LFNG: variants seen among roughly 807,000 people sequenced by gnomAD.
LFNG encodes beta-1,3-N-acetylglucosaminyltransferase lunatic fringe.
LFNG carries 15 observed loss-of-function variants against 32.7 expected under a neutral mutation model. The observed-to-expected ratio is 0.46, with a 90% CI of 0.31 to 0.71. The LOEUF is 0.71. Ranked by LOEUF, LFNG falls within the 30% of genes least tolerant of loss-of-function variation. The probability of loss-of-function intolerance (pLI) is 0.06; values close to 1 mark genes in which losing one functional copy is unlikely to be tolerated. For missense variants in LFNG, 520 were observed against 545.7 expected (o/e 0.95, Z 0.47); for synonymous variants, 274 against 246.8 (o/e 1.11, Z -1.03).
At chr7:2,513,872 C>T (rs1158264308), upstream of LFNG, among the ~76,000 whole-genome samples, 2 of 152,246 alleles carry the variant, frequency 1.3e-5, no homozygotes, top group African/African-American at 4.8e-5. Flanking sequence ...TGGCCTCAGA[C>T]AGAAGCGCCA....
chr7:2,513,164 C>T (rs1779531786), upstream of LFNG: 8 of 1,613,554 alleles, frequency 5.0e-6, no homozygotes, highest in Non-Finnish European at 6.8e-6. Context: ...CAGTGCCAAG[C>T]AGATCTGGGC....
rs534973507 is a variant in LFNG at position 2,526,578 on chromosome 7, G to A, written c.987+169G>A. On this transcript the variant is annotated intron_variant, in intron 6 of 7. Coordinates refer to ENST00000222725, the MANE Select transcript of LFNG (RefSeq NM_001040167.2). This position sits in a 1 kb window ranked among gnomAD's most constrained non-coding sequence, Gnocchi z 6.9. ...TGCCATGAGCTCAAAGCTGTTTATG[G>A]CGGGTTGTTTTCCTGCCGTCTCTTC... 1.6e-4 allele frequency among the ~76,000 whole-genome samples: 24 copies of A among 152,340 alleles called. No individual in the cohort carries two copies. In the East Asian group the frequency reaches 4.4e-3, roughly 28 times the overall value.
In LFNG at chr7:2,519,825, C is replaced by T. The variant is rs1779732077; in HGVS notation, c.-37C>T. On this transcript the variant is annotated 5_prime_UTR_variant, in exon 1 of 8. Transcript: ENST00000222725. ...GCTTCGGGTCGGTGCAAGGCAGGCG[C>T]ACGGGGAAGGGCGCGCCGCGCGGCC... The T allele has an allele frequency of 3.8e-6, 4 of 1,062,038 alleles. No individual in the cohort carries two copies. Among genetic ancestry groups the T allele is most frequent in the African/African-American group, 1.7e-5 (1 of 58,476 alleles). The allele number at this position is 1,062,038 out of a possible 1,614,324, so 65.8% of individuals were successfully genotyped here. A position where few individuals can be genotyped will look rare whatever the true frequency, so the allele number is the denominator to read the frequency against.
rs535224381 is a variant in LFNG, at chr7:2,527,461, G to A, written c.*249G>A. 2.4e-4 allele frequency: 340 copies of A among 1,414,162 alleles called. 1 individual carries two copies. The African/African-American group carries it at 4.4e-3, about 18-fold the overall frequency. 87.6% of individuals were successfully genotyped at this position (1,414,162 alleles called of 1,614,324 possible). A position where few individuals can be genotyped will look rare whatever the true frequency, so the allele number is the denominator to read the frequency against. ...GCTCCGAGGGCCAGTGGGCTGCAGG[G>A]CCTGCTTGGAGGAAGGATTTGTGTG... On this transcript the variant is annotated 3_prime_UTR_variant, in exon 8 of 8. Transcript: ENST00000222725. The surrounding 1 kb of genome is among the most constrained non-coding windows in gnomAD (Gnocchi z 4.4).
rs12700027 is a variant in LFNG at position 2,524,404 on chromosome 7, G to A, written c.433-291G>A. ...GGGCGAGGCGCACCACCTGGCTCGT[G>A]CCTCACCGCGCCTGGACGACCTTGG... On this transcript the variant is annotated intron_variant, in intron 1 of 7. Transcript: ENST00000222725. Among the ~76,000 whole-genome samples the A allele has an allele frequency of 0.074, 11,293 of 152,272 alleles. 585 individuals carry two copies. The highest frequency in any genetic ancestry group is 0.12 in the Admixed American group (1,789 of 15,306).
chr7:2,527,961 G>A lies in LFNG; in HGVS notation c.*749G>A, dbSNP rs1170292111. On this transcript the variant is annotated 3_prime_UTR_variant, in exon 8 of 8. Transcript: ENST00000222725. The surrounding 1 kb of genome is among the most constrained non-coding windows in gnomAD (Gnocchi z 4.4). ...ATCTCCTCTCCAAAGTAGAGAGCAA[G>A]TCGCCCACAGTGGGCGTGTCTGTAA... The A allele has an allele frequency of 1.0e-6, 1 of 985,192 alleles. No homozygotes were observed. The highest frequency in any genetic ancestry group is 1.2e-6 in the Non-Finnish European group (1 of 829,940). 61.0% of individuals were successfully genotyped at this position (985,192 alleles called of 1,614,324 possible).
At position 2,526,038 on chromosome 7, in the gene LFNG, C is replaced by T. The variant is rs1289008017; in HGVS notation, c.822-206C>T. On this transcript the variant is annotated intron_variant, in intron 5 of 7. Transcript: ENST00000222725. The surrounding 1 kb of genome is among the most constrained non-coding windows in gnomAD (Gnocchi z 6.9). Reference sequence around the variant, plus strand: ...AGGACTCTTCCCTGCACCCAGATTCCCTCCACAGAGAGCCACGGAGCACAG... The same window carrying T: ...AGGACTCTTCCCTGCACCCAGATTCTCTCCACAGAGAGCCACGGAGCACAG... Among the ~76,000 whole-genome samples, 3 of 152,070 alleles carry T rather than the reference C, an allele frequency of 2.0e-5. No homozygotes were observed. Among genetic ancestry groups the T allele is most frequent in the African/African-American group, 7.2e-5 (3 of 41,432 alleles).
chr7:2,517,316 A>G (rs1779652193), upstream of LFNG, among the ~76,000 whole-genome samples: 1 of 152,204 alleles, frequency 6.6e-6, no homozygotes, highest in Non-Finnish European at 1.5e-5. Context: ...AGAATGCTGT[A>G]AAGCTTCCTC....
Position 2,526,980 on chromosome 7 carries a change from CT to C in LFNG, c.1073+60del. 1 of 1,512,852 alleles carries C rather than the reference CT, an allele frequency of 6.6e-7. No individual in the cohort carries two copies. The highest frequency in any genetic ancestry group is 1.1e-5 in the South Asian group (1 of 87,610). 93.7% of individuals were successfully genotyped at this position (1,512,852 alleles called of 1,614,324 possible). A position where few individuals can be genotyped will look rare whatever the true frequency, so the allele number is the denominator to read the frequency against. On this transcript the variant is annotated intron_variant, in intron 7 of 7. Transcript: ENST00000222725. This position sits in a 1 kb window ranked among gnomAD's most constrained non-coding sequence, Gnocchi z 6.9. ...GGGTGGCCTAGGGGCGTCAGGGGGC[CT>C]CGTGGAGCTGCAGCAGGGTCTCTCT...
At chr7:2,524,636 A>G in intron 1 of LFNG, 59 bp from the exon 2 acceptor site, 1 of 1,516,162 alleles carries the variant, frequency 6.6e-7, no homozygotes, top group Non-Finnish European at 9.0e-7. Flanking sequence ...CGGCCCCCAC[A>G]GATGGCCCTG....
rs113634524 is a variant in LFNG, at chr7:2,525,717, C to T, written c.768C>T (p.Gly256=). The stretch of plus-strand genomic sequence containing the variant: ...TCCACTTCTGGTTTGCCACGGGCGG[C>T]GCTGGCTTCTGCATCAGCCGTGGGC... ...RPVHFWFATG[G]AGFCISRGLA... is the part of the protein sequence containing the mutation. Residue 256 remains glycine (G), a synonymous_variant, in exon 5 of 8, where the codon GGC becomes GGT. Coordinates refer to ENST00000222725, the MANE Select transcript of LFNG (RefSeq NM_001040167.2). The T allele has an allele frequency of 3.5e-5, 56 of 1,612,810 alleles. 1 individual carries two copies. Among genetic ancestry groups the T allele is most frequent in the East Asian group, 2.2e-4 (10 of 44,898 alleles).
upstream of LFNG, among the ~76,000 whole-genome samples, chr7:2,516,191 G>A (rs1438202321): frequency 6.6e-6 from 1 of 152,224 alleles, no homozygotes; most frequent in East Asian, 1.9e-4. Context: ...GCTGAGTCCT[G>A]TCCAGGAGTT....
chr7:2,517,941 G>T, upstream of LFNG: 1 of 1,152,586 alleles, frequency 8.7e-7, no homozygotes, highest in Non-Finnish European at 1.1e-6. Context: ...AATAAGTAAA[G>T]CAGGTAGGAT....
downstream of LFNG, chr7:2,528,891 C>CTT: frequency 3.6e-6 from 2 of 555,824 alleles, no homozygotes; most frequent in South Asian, 2.2e-5. Context: ...AACTGAGGCA[C>CTT]GGAGCAGCTG....
chr7:2,525,067 G>GCC, intron 2 of LFNG, 152 bp from the exon 3 acceptor site: 1 of 735,750 alleles, frequency 1.4e-6, no homozygotes, highest in Non-Finnish European at 2.3e-6. Context: ...ACAGGCCCAA[G>GCC]CCCCGAGCTA....
rs1779739417 is a variant in LFNG at position 2,519,998 on chromosome 7, C to T, written c.137C>T (p.Ala46Val). The change falls in exon 1 of 8, where the codon GCG becomes GTG. Residue 46 changes from alanine (A) to valine (V), a missense_variant. Around this residue, in one of 3 missense-constraint regions of LFNG, gnomAD observed 360 missense variants for 354.7 expected, o/e 1.01. Transcript: ENST00000222725. ...GGCCGGCGCGCGCTGCGCAGCCTGG[C>T]GGGCCCCGCGGGGGCTGCCCCGGCG... ...ERGRRALRSL[A>V]GPAGAAPAPG... The T allele has an allele frequency of 2.0e-6, 2 of 983,282 alleles. No individual in the cohort carries two copies. The highest frequency in any genetic ancestry group is 2.4e-6 in the Non-Finnish European group (2 of 830,544). The allele number at this position is 983,282 out of a possible 1,614,324, so 60.9% of individuals were successfully genotyped here.
At chr7:2,517,943 AG>A, upstream of LFNG, 1 of 1,150,426 alleles carries the variant, frequency 8.7e-7, no homozygotes, top group Non-Finnish European at 1.1e-6. Flanking sequence ...TAAGTAAAGC[AG>A]GTAGGATAGG....
upstream of LFNG, among the ~76,000 whole-genome samples, chr7:2,518,286 C>T (rs1173889120): frequency 6.6e-6 from 1 of 152,182 alleles, no homozygotes; most frequent in Non-Finnish European, 1.5e-5. Flanking sequence ...AGACTTGTCA[C>T]TTGGGCACAG....
chr7:2,520,299 C>A lies in LFNG; in HGVS notation c.432+6C>A. The A allele has an allele frequency of 1.2e-6, 2 of 1,605,368 alleles. No homozygotes were observed. Among genetic ancestry groups the A allele is most frequent in the South Asian group, 1.1e-5 (1 of 90,730 alleles). The stretch of plus-strand genomic sequence containing the variant: ...TCTCGCGCCACAAGGAGATGGTGAG[C>A]CCCCCGCGGCCTGGACTGGCGGGCG... On this transcript the variant is annotated splice_donor_region_variant and intron_variant, in intron 1 of 7. Transcript: ENST00000222725. This position sits in a 1 kb window ranked among gnomAD's most constrained non-coding sequence, Gnocchi z 5.0.
Sources: allele counts gnomAD v4.1 joint callset (sites outside exome capture counted in the v4.1 genomes callset), GRCh38; gene constraint gnomAD v4.1.1; regional missense constraint gnomAD v4.1.1; non-coding constraint Gnocchi (gnomAD v3.1); transcripts MANE v1.5; gene names NCBI Gene and HGNC (gene_info 2026-07-23, HGNC 2026-07-21).